The following AFDN variants were observed in gnomAD, a reference collection of about 807,000 sequenced individuals.
AFDN encodes the protein afadin.
AFDN carries 68 observed loss-of-function variants against 216.6 expected under a neutral mutation model. The observed-to-expected ratio is 0.31, with a 90% CI of 0.26 to 0.38. The LOEUF (loss-of-function observed/expected upper bound fraction) is 0.38. Among genes scored for constraint, AFDN ranks in the 10% least tolerant of loss-of-function variants. AFDN has a pLI of 1.00. For synonymous variants in AFDN, 868 were observed against 853.7 expected, an observed-to-expected ratio of 1.02 and a Z score of -0.29; for missense variants, 2,136 against 2,342.0, an observed-to-expected ratio of 0.91 and a Z score of 1.82.
intron 27 of AFDN, among the ~76,000 whole-genome samples, chr6:167,947,396 G>A (rs1257948511): frequency 3.9e-5 from 6 of 152,098 alleles, no homozygotes; most frequent in South Asian, 2.1e-4. Context: ...AGCCAGGATG[G>A]TCTCGATCTC....
At chr6:167,865,512 CT>C (rs1784078381) in intron 2 of AFDN, among the ~76,000 whole-genome samples, 1 of 152,002 alleles carries the variant, frequency 6.6e-6, no homozygotes, top group Admixed American at 6.6e-5. Flanking sequence ...ACTTGGGAGG[CT>C]GAGGCAGGAG....
At chr6:167,936,915 A>C (rs927135520) in intron 23 of AFDN, among the ~76,000 whole-genome samples, 6 of 152,214 alleles carry the variant, frequency 3.9e-5, no homozygotes, top group Non-Finnish European at 5.9e-5. Flanking sequence ...TCTCTGGGTA[A>C]TCATCTCTAA....
intron 23 of AFDN, among the ~76,000 whole-genome samples, chr6:167,925,941 C>T (rs982480433): frequency 6.6e-6 from 1 of 152,148 alleles, no homozygotes; most frequent in African/African-American, 2.4e-5. Flanking sequence ...TTGGCCACTA[C>T]AATTTGTATT....
chr6:167,959,546 AAAAAGTCTGTAGAGT>A (rs1796844451), intron 30 of AFDN, among the ~76,000 whole-genome samples: 5 of 152,218 alleles, frequency 3.3e-5, no homozygotes. Flanking sequence ...GCATAGGCAG[AAAAAGTCTGTAGAGT>A]AAAAGGCTTT....
chr6:167,970,242 C>T lies in AFDN; in HGVS notation c.*307C>T, dbSNP rs1158342004. ...AGTTCAAAGGGGACAGAACTAAGGG[C>T]AGGAGAAGAGAATGGATGTGTCTTC... On this transcript the variant is annotated 3_prime_UTR_variant, in exon 34 of 34. Transcript: ENST00000683244. The T allele has an allele frequency of 3.1e-6, 1 of 318,388 alleles. No individual in the cohort carries two copies. Among genetic ancestry groups the T allele is most frequent in the Non-Finnish European group, 5.7e-6 (1 of 175,178 alleles). 19.7% of individuals were successfully genotyped at this position (318,388 alleles called of 1,614,324 possible). A position where few individuals can be genotyped will look rare whatever the true frequency, so the allele number is the denominator to read the frequency against.
In AFDN at chr6:167,845,693, A is replaced by G. The variant is rs556593689; in HGVS notation, c.105+18456A>G. Among the ~76,000 whole-genome samples the G allele has an allele frequency of 3.4e-3, 515 of 152,304 alleles. 4 individuals carry two copies. The highest frequency in any genetic ancestry group is 0.012 in the African/African-American group (489 of 41,552). On this transcript the variant is annotated intron_variant, in intron 1 of 33. Coordinates refer to ENST00000683244, the MANE Select transcript of AFDN (RefSeq NM_001386888.1). ...GCCTGGCCTAAATGAATATTTCTTA[A>G]TACTTTGTTTTCTTATTTTTAGGGG... is the stretch of plus-strand genomic sequence containing the variant.
chr6:167,896,904 A>G lies in AFDN; in HGVS notation c.1249A>G (p.Lys417Glu). 6.2e-7 allele frequency: 1 copy of G among 1,613,686 alleles called. No homozygotes were observed. The highest frequency in any genetic ancestry group is 8.5e-7 in the Non-Finnish European group (1 of 1,179,664). Residue 417 changes from lysine to glutamate, a missense_variant, in exon 10 of 34, where the codon AAG (lysine) becomes GAG (glutamate). Around this residue, in one of 8 missense-constraint regions of AFDN, gnomAD observed 817 missense variants for 965.7 expected, o/e 0.85. Transcript: ENST00000683244. ...EDGSDSRDKP[K>E]LYRLQLSVTE... ...TGGTTCTGACTCTAGAGATAAGCCA[A>G]AGCTTTACCGCCTTCAGTTAAGTGT...
chr6:167,933,965 G>A (rs1793651947), intron 23 of AFDN, among the ~76,000 whole-genome samples: 1 of 152,134 alleles, frequency 6.6e-6, no homozygotes, highest in Non-Finnish European at 1.5e-5. Flanking sequence ...CCCATCCCCT[G>A]CACAGGCCAG....
At chr6:167,836,987 G>A (rs1011177171) in intron 1 of AFDN, among the ~76,000 whole-genome samples, 14 of 152,240 alleles carry the variant, frequency 9.2e-5, no homozygotes, top group Admixed American at 6.5e-4. Context: ...TTTAATTTAA[G>A]ATTGGCAAAG....
intron 30 of AFDN, chr6:167,952,536 T>G (rs767373805): frequency 2.0e-6 from 2 of 984,528 alleles, no homozygotes; most frequent in South Asian, 9.4e-5. Flanking sequence ...GTAGGCAAAA[T>G]TTTTCTTCCA....
intron 2 of AFDN, among the ~76,000 whole-genome samples, chr6:167,865,486 G>A (rs902016913): frequency 6.6e-5 from 10 of 152,112 alleles, no homozygotes; most frequent in African/African-American, 2.4e-4. Flanking sequence ...GATGGCACAT[G>A]CCTGTAGTCC....
chr6:167,882,897 C>CTGG (rs1280119809), intron 6 of AFDN, among the ~76,000 whole-genome samples: 1 of 151,864 alleles, frequency 6.6e-6, no homozygotes, highest in Non-Finnish European at 1.5e-5. Context: ...GGGAGTAAGG[C>CTGG]TGGTGCTAGT....
At chr6:167,888,617 C>A (rs1787172047) in intron 6 of AFDN, among the ~76,000 whole-genome samples, 1 of 152,096 alleles carries the variant, frequency 6.6e-6, no homozygotes, top group Non-Finnish European at 1.5e-5. Context: ...AAAAGTAATA[C>A]AGCATTATGA....
At chr6:167,834,443 T>C (rs1483869841) in intron 1 of AFDN, among the ~76,000 whole-genome samples, 2 of 149,504 alleles carry the variant, frequency 1.3e-5, no homozygotes, top group Admixed American at 6.8e-5. Context: ...ATTTTTGTTG[T>C]TGTTGTTGTT....
chr6:167,964,048 G>GA (rs1483376345), intron 31 of AFDN: 1 of 1,064,494 alleles, frequency 9.4e-7, no homozygotes, highest in Non-Finnish European at 1.1e-6. Context: ...TGCACATGCA[G>GA]AGAGGACCAG....
At chr6:167,877,530 A>C (rs1025842130) in intron 5 of AFDN, among the ~76,000 whole-genome samples, 2 of 152,290 alleles carry the variant, frequency 1.3e-5, no homozygotes, top group Admixed American at 1.3e-4. Context: ...TGGGGGTAGA[A>C]GGAGCATTTT....
intron 12 of AFDN, among the ~76,000 whole-genome samples, chr6:167,905,879 G>A (rs1789604579): frequency 6.6e-6 from 1 of 152,194 alleles, no homozygotes; most frequent in Non-Finnish European, 1.5e-5. Flanking sequence ...GCCGAGGTGG[G>A]TGGATCATGA....
intron 31 of AFDN, chr6:167,964,917 C>A (rs1035750556): frequency 2.6e-5 from 28 of 1,060,560 alleles, no homozygotes; most frequent in Middle Eastern, 4.2e-4. Flanking sequence ...TGTGCTGTTA[C>A]CTTTTTTAAT....
chr6:167,858,448 C>CAA (rs1783145256), intron 1 of AFDN, among the ~76,000 whole-genome samples: 2 of 152,128 alleles, frequency 1.3e-5, no homozygotes. Flanking sequence ...CAATCGTGTG[C>CAA]TTTCTCTCTG....
Sources: gnomAD v4.1 joint callset for allele counts (sites outside exome capture counted in the v4.1 genomes callset) on GRCh38, gnomAD v4.1.1 for gene constraint, gnomAD v4.1.1 regional missense constraint, MANE v1.5 for transcripts, NCBI Gene and HGNC (gene_info 2026-07-23, HGNC 2026-07-21) for gene names.